ATG7: variants seen among roughly 807,000 people sequenced by gnomAD.
ATG7 encodes the protein autophagy related 7.
Under a neutral mutation model 82.4 loss-of-function variants are expected in ATG7, and 70 were observed. The ratio of observed to expected loss-of-function variants is 0.85; its 90% CI spans 0.70 to 1.04. The LOEUF (loss-of-function observed/expected upper bound fraction) is 1.04, where lower values mean the gene tolerates loss of function less well. ATG7 is among the 50% of genes least tolerant of loss of function. The pLI, the probability that ATG7 is intolerant of heterozygous loss-of-function variation, is 0.00. For synonymous variants in ATG7, 287 were observed against 313.0 expected (o/e 0.92, Z 0.88); for missense variants, 792 against 864.3 (o/e 0.92, Z 1.05).
chr3:11,502,622 CATT>C (rs1258512147), intron 20 of ATG7, among the ~76,000 whole-genome samples: 1 of 151,768 alleles, frequency 6.6e-6, no homozygotes, highest in Non-Finnish European at 1.5e-5. Flanking sequence ...TCCAGTCTAT[CATT>C]GTTGGACATT....
intron 11 of ATG7, among the ~76,000 whole-genome samples, chr3:11,334,606 C>G (rs6772675): frequency 0.16 from 24,190 of 151,366 alleles, 2,795 homozygotes; most frequent in South Asian, 0.35. Context: ...CATTTCTTTC[C>G]TTATGCCATA....
chr3:11,311,212 T>C (rs1200803484), intron 7 of ATG7, among the ~76,000 whole-genome samples: 2 of 152,194 alleles, frequency 1.3e-5, no homozygotes, highest in African/African-American at 4.8e-5. Context: ...CCAAGGACTT[T>C]ATGTTTAATT....
chr3:11,474,708 G>A (rs953686080), intron 20 of ATG7, among the ~76,000 whole-genome samples: 1 of 152,240 alleles, frequency 6.6e-6, no homozygotes, highest in Non-Finnish European at 1.5e-5. Flanking sequence ...CAGGTTGTCA[G>A]TAAAGGTCCC....
chr3:11,355,201 A>C (rs1351058792), intron 14 of ATG7, among the ~76,000 whole-genome samples: 1 of 152,228 alleles, frequency 6.6e-6, no homozygotes, highest in Admixed American at 6.5e-5. Context: ...CAGAGTTCAC[A>C]CGAGCTGGGA....
chr3:11,380,135 T>TAGTTGGTTTCAA, intron 19 of ATG7, 83 bp downstream of exon 19: 1 of 1,326,234 alleles, frequency 7.5e-7, no homozygotes, highest in Non-Finnish European at 1.1e-6. Context: ...CTGGAGCCCT[T>TAGTTGGTTTCAA]GAAACCAACT....
chr3:11,436,299 T>C (rs932590093), intron 20 of ATG7, among the ~76,000 whole-genome samples: 2 of 152,214 alleles, frequency 1.3e-5, no homozygotes, highest in Admixed American at 1.3e-4. Flanking sequence ...GTAAGATGGC[T>C]ATAATCAAAA....
At position 11,298,728 on chromosome 3, in the gene ATG7, T is replaced by A; in HGVS notation, c.33T>A (p.Ser11=). The A allele has an allele frequency of 6.2e-7, 1 of 1,614,216 alleles. No homozygotes were observed. Among genetic ancestry groups the A allele is most frequent in the African/African-American group, 1.3e-5 (1 of 75,068 alleles). Residue 11 remains serine, a synonymous_variant, in exon 4 of 21, where the codon TCT becomes TCA. Transcript: ENST00000693202. MAAATGDPGL[S]KLQFAPFSSA... ...CAGCTACGGGGGATCCTGGACTCTC[T>A]AAACTGCAGTTTGCCCCTTTTAGTA... is the stretch of plus-strand genomic sequence containing the variant.
chr3:11,563,377 G>A, the ATG7 span, among the ~76,000 whole-genome samples: 2 of 152,356 alleles, frequency 1.3e-5, no homozygotes, highest in South Asian at 4.1e-4. Flanking sequence ...AAGCAGAAAG[G>A]TCCACTGCCC....
intron 20 of ATG7, among the ~76,000 whole-genome samples, chr3:11,525,251 G>C (rs1042634909): frequency 2.6e-5 from 4 of 151,054 alleles, no homozygotes; most frequent in African/African-American, 9.8e-5. Flanking sequence ...GGGTTGTCTC[G>C]GACTCCTGAC....
chr3:11,522,955 C>T (rs2092479790), intron 20 of ATG7, among the ~76,000 whole-genome samples: 1 of 152,212 alleles, frequency 6.6e-6, no homozygotes, highest in African/African-American at 2.4e-5. Flanking sequence ...CTTGCTTTTC[C>T]TCTCTCAGCC....
At chr3:11,498,601 C>T (rs1038083285) in intron 20 of ATG7, among the ~76,000 whole-genome samples, 1 of 152,238 alleles carries the variant, frequency 6.6e-6, no homozygotes, top group Admixed American at 6.5e-5. Context: ...CAGATTAAAG[C>T]TTCTAACGCC....
intron 18 of ATG7, among the ~76,000 whole-genome samples, chr3:11,376,154 G>A (rs963709348): frequency 1.3e-5 from 2 of 152,188 alleles, no homozygotes; most frequent in Admixed American, 1.3e-4. Context: ...AATAGAAGCA[G>A]AAAGTAGATT....
At chr3:11,369,550 G>A (rs932207668) in intron 18 of ATG7, among the ~76,000 whole-genome samples, 3 of 151,146 alleles carry the variant, frequency 2.0e-5, no homozygotes, top group African/African-American at 4.9e-5. Flanking sequence ...GTAATCTAAG[G>A]TGATGGATGT....
intron 19 of ATG7, among the ~76,000 whole-genome samples, chr3:11,423,846 C>G (rs2082144461): frequency 1.3e-5 from 2 of 152,136 alleles, no homozygotes; most frequent in South Asian, 2.1e-4. Context: ...CCTTTTGATC[C>G]TTATTCTGCC....
intron 19 of ATG7, among the ~76,000 whole-genome samples, chr3:11,425,254 G>A (rs752668818): frequency 2.0e-5 from 3 of 152,158 alleles, no homozygotes; most frequent in Non-Finnish European, 2.9e-5. Context: ...ATGAGCCATC[G>A]TGCCTGGCCC....
chr3:11,574,785 ATG>A, the ATG7 span, among the ~76,000 whole-genome samples: 11,749 of 121,412 alleles, frequency 0.097, 426 homozygotes, highest in Non-Finnish European at 0.11. Context: ...TCAACTATAT[ATG>A]TGTGTGTGTG....
intron 5 of ATG7, among the ~76,000 whole-genome samples, chr3:11,302,284 C>T (rs1412109923): frequency 1.3e-5 from 2 of 152,084 alleles, no homozygotes; most frequent in Non-Finnish European, 2.9e-5. Flanking sequence ...ATGTTCTTTC[C>T]AGTTTTAAAA....
In ATG7 at chr3:11,303,150, C is replaced by A. The variant is rs114418035; in HGVS notation, c.215+3734C>A. ...TGAGGAAAGACAGCCAAGGTGCAAACAGGTGGAAGAGACACACTTAGTCTC... is the reference window on the plus strand; with the variant it reads ...TGAGGAAAGACAGCCAAGGTGCAAAAAGGTGGAAGAGACACACTTAGTCTC... On this transcript the variant is annotated intron_variant, in intron 5 of 20. Transcript: ENST00000693202. 3.3e-3 allele frequency among the ~76,000 whole-genome samples: 506 copies of A among 152,230 alleles called. 1 individual carries two copies. The highest frequency in any genetic ancestry group is 0.012 in the African/African-American group (482 of 41,522).
At chr3:11,399,615 C>T (rs899910103) in intron 19 of ATG7, among the ~76,000 whole-genome samples, 2 of 152,030 alleles carry the variant, frequency 1.3e-5, no homozygotes, top group African/African-American at 2.4e-5. Context: ...CACTCTATCG[C>T]CCAGGCTAGA....
Sources: allele counts gnomAD v4.1 joint callset (sites outside exome capture counted in the v4.1 genomes callset), GRCh38; gene constraint gnomAD v4.1.1; transcripts MANE v1.5; gene names NCBI Gene and HGNC (gene_info 2026-07-23, HGNC 2026-07-21).